Variants in RBFOX1 observed in about 807,000 individuals in gnomAD.
RBFOX1 encodes RNA binding protein fox-1 homolog 1.
RBFOX1 carries 8 observed loss-of-function variants against 57.7 expected under a neutral mutation model. The observed-to-expected ratio is 0.14, with a 90% CI of 0.08 to 0.25. The LOEUF (loss-of-function observed/expected upper bound fraction) is 0.25, where lower values mean the gene tolerates loss of function less well. RBFOX1 is among the 10% of genes least tolerant of loss of function. The pLI is 1.00. For missense variants in RBFOX1, 611 were observed against 548.5 expected, an observed-to-expected ratio of 1.11 and a Z score of -1.14; for synonymous variants, 326 against 222.4, an observed-to-expected ratio of 1.47 and a Z score of -4.15.
chr16:5,983,840 T>TG (rs2060222428), intron 4 of RBFOX1, among the ~76,000 whole-genome samples: 2 of 102,776 alleles, frequency 1.9e-5, no homozygotes, highest in Admixed American at 2.1e-4. Context: ...CTTCCCTCCC[T>TG]CCCTCCCTCC....
intron 4 of RBFOX1, among the ~76,000 whole-genome samples, chr16:7,510,951 A>C (rs898561733): frequency 1.2e-4 from 19 of 152,200 alleles, no homozygotes; most frequent in African/African-American, 4.6e-4. Flanking sequence ...GAGGTTCTCC[A>C]CAGCAGGAAA....
chr16:6,881,111 G>A (rs186895905), intron 3 of RBFOX1, among the ~76,000 whole-genome samples: 3 of 152,272 alleles, frequency 2.0e-5, no homozygotes, highest in Admixed American at 1.3e-4. Flanking sequence ...GTCTTACCAT[G>A]CTTCTCAGTG....
intron 6 of RBFOX1, among the ~76,000 whole-genome samples, chr16:7,586,950 T>A (rs2094159276): frequency 6.6e-6 from 1 of 152,220 alleles, no homozygotes; most frequent in Non-Finnish European, 1.5e-5. Context: ...CTAGCCACTT[T>A]TAATCTTTGC....
At chr16:7,438,763 C>T (rs2098742350) in intron 4 of RBFOX1, among the ~76,000 whole-genome samples, 2 of 152,300 alleles carry the variant, frequency 1.3e-5, no homozygotes, top group South Asian at 2.1e-4. Context: ...CTTTGCACCA[C>T]AGTGAGCGCC....
chr16:7,293,999 T>G (rs1292329128), intron 4 of RBFOX1, among the ~76,000 whole-genome samples: 1 of 152,132 alleles, frequency 6.6e-6, no homozygotes. Context: ...TCTTGTACTT[T>G]AAAGATAAAA....
chr16:5,997,176 C>G (rs571802034), intron 4 of RBFOX1, among the ~76,000 whole-genome samples: 1 of 151,546 alleles, frequency 6.6e-6, no homozygotes, highest in Non-Finnish European at 1.5e-5. Context: ...CTGGTGCTCT[C>G]CATTGTCCAA....
intron 1 of RBFOX1, among the ~76,000 whole-genome samples, chr16:6,023,612 C>T (rs1052922202): frequency 1.3e-5 from 2 of 152,274 alleles, no homozygotes; most frequent in African/African-American, 2.4e-5. Context: ...TTCCCAGTGG[C>T]GTGTAAGGAG....
chr16:6,910,044 A>G (rs2071152318), intron 3 of RBFOX1, among the ~76,000 whole-genome samples: 1 of 151,890 alleles, frequency 6.6e-6, no homozygotes, highest in Middle Eastern at 3.2e-3. Context: ...TCTTACCTCT[A>G]CAGGCTACAA....
At chr16:6,594,157 A>G (rs927685078) in intron 2 of RBFOX1, among the ~76,000 whole-genome samples, 1 of 152,192 alleles carries the variant, frequency 6.6e-6, no homozygotes, top group African/African-American at 2.4e-5. Context: ...GCAAGAATAT[A>G]TAGGGGAAAA....
intron 3 of RBFOX1, among the ~76,000 whole-genome samples, chr16:5,679,665 A>T (rs1195541580): frequency 6.6e-6 from 1 of 152,152 alleles, no homozygotes; most frequent in African/African-American, 2.4e-5. Context: ...CTCTTTCATG[A>T]AGTCCTCTAC....
At chr16:7,527,626 C>T (rs1365284472) in intron 5 of RBFOX1, among the ~76,000 whole-genome samples, 2 of 152,108 alleles carry the variant, frequency 1.3e-5, no homozygotes, top group East Asian at 3.9e-4. Flanking sequence ...CTGTCTGACC[C>T]AGAGTGGGAC....
chr16:5,767,884 G>A (rs1196280161), intron 3 of RBFOX1, among the ~76,000 whole-genome samples: 2 of 151,968 alleles, frequency 1.3e-5, no homozygotes, highest in Non-Finnish European at 2.9e-5. Flanking sequence ...TGTCTTCACA[G>A]CCCTTTAGTC....
In RBFOX1 at chr16:5,470,983, C is replaced by G. The variant is rs562937281; in HGVS notation, c.258+3729C>G. The stretch of plus-strand genomic sequence containing the variant: ...TCTACTGCCTCAGCCTCCTAAGTAG[C>G]TGGGATGACAGGTGCCTGCCACCAC... On this transcript the variant is annotated intron_variant, in intron 2 of 2. Coordinates refer to the RBFOX1 transcript ENST00000585867. Among the ~76,000 whole-genome samples the G allele has an allele frequency of 8.5e-5, 13 of 152,278 alleles. No homozygotes were observed. The South Asian group carries it at 2.3e-3, about 27-fold the overall frequency.
At chr16:7,193,567 G>C (rs994772230) in intron 4 of RBFOX1, among the ~76,000 whole-genome samples, 1 of 152,208 alleles carries the variant, frequency 6.6e-6, no homozygotes, top group South Asian at 2.1e-4. Context: ...ATGCTCTTAT[G>C]AGCATTTTAC....
Position 6,109,806 on chromosome 16 carries a change from C to T in RBFOX1, c.-127+89814C>T, listed in dbSNP as rs115316332. On this transcript the variant is annotated intron_variant, in intron 1 of 15. Transcript: ENST00000550418. Reference sequence around the variant, plus strand: ...ACAACATTTTGGTTTAAAAAGTTGGCTTAAGGATAAGTTACATTCTTTTCT... The same window carrying T: ...ACAACATTTTGGTTTAAAAAGTTGGTTTAAGGATAAGTTACATTCTTTTCT... Among the ~76,000 whole-genome samples the T allele has an allele frequency of 6.8e-3, 1,040 of 152,200 alleles. 14 individuals are homozygous for T. Among genetic ancestry groups the T allele is most frequent in the African/African-American group, 0.024 (1,001 of 41,536 alleles).
chr16:5,488,141 GTGA>G (rs2042697364), intron 2 of RBFOX1, among the ~76,000 whole-genome samples: 1 of 136,616 alleles, frequency 7.3e-6, no homozygotes, highest in Admixed American at 7.6e-5. Context: ...GAAGATAATG[GTGA>G]TGATGATGGA....
At chr16:5,250,010 G>C (rs1424765684) in intron 1 of RBFOX1, among the ~76,000 whole-genome samples, 2 of 151,820 alleles carry the variant, frequency 1.3e-5, no homozygotes. Context: ...GCAGTGAGGA[G>C]GAGGTTGCAG....
At chr16:7,251,741 C>T (rs1385433954) in intron 4 of RBFOX1, among the ~76,000 whole-genome samples, 1 of 152,108 alleles carries the variant, frequency 6.6e-6, no homozygotes, top group Non-Finnish European at 1.5e-5. Context: ...TCTGTCAGTG[C>T]ACGCTTAGGT....
At chr16:7,472,636 A>G (rs528178595) in intron 4 of RBFOX1, among the ~76,000 whole-genome samples, 89 of 152,310 alleles carry the variant, frequency 5.8e-4, no homozygotes, top group Non-Finnish European at 8.2e-4. Context: ...CCGAGACTGC[A>G]CTGTAGCTAT....
Sources: gnomAD v4.1 joint callset for allele counts (sites outside exome capture counted in the v4.1 genomes callset) on GRCh38, gnomAD v4.1.1 for gene constraint, MANE v1.5 for transcripts, NCBI Gene and HGNC (gene_info 2026-07-23, HGNC 2026-07-21) for gene names.